FGF12: variants seen among roughly 807,000 people sequenced by gnomAD.
The protein encoded by FGF12 is fibroblast growth factor 12B.
In FGF12, 14 loss-of-function variants were observed where a neutral mutation model predicts 23.6. The observed-to-expected ratio is 0.59, with a 90% CI of 0.39 to 0.93. FGF12 has a LOEUF of 0.93. Ranked by LOEUF, FGF12 falls within the 40% of genes least tolerant of loss-of-function variation. The pLI is 0.00. For missense variants in FGF12, 175 were observed against 217.8 expected (o/e 0.80, Z 1.24); for synonymous variants, 62 against 77.3 (o/e 0.80, Z 1.04).
At position 192,323,871 on chromosome 3, in the gene FGF12, G is replaced by A. The variant is rs182480188; in HGVS notation, c.228+11490C>T. Reference sequence around the variant, plus strand: ...TTTGGGAGGCTGAGGCAGGCAGATCGCCTGAGCTCAGGAGATTGAGACCAG... The same window carrying A: ...TTTGGGAGGCTGAGGCAGGCAGATCACCTGAGCTCAGGAGATTGAGACCAG... On this transcript the variant is annotated intron_variant, in intron 4 of 5. Coordinates refer to ENST00000445105, the MANE Select transcript of FGF12 (RefSeq NM_004113.6). Among the ~76,000 whole-genome samples the A allele has an allele frequency of 3.9e-5, 6 of 152,080 alleles. No homozygotes were observed. The East Asian group carries it at 9.7e-4, about 25-fold the overall frequency.
At chr3:192,321,345 C>A (rs923861767) in intron 4 of FGF12, among the ~76,000 whole-genome samples, 1 of 151,954 alleles carries the variant, frequency 6.6e-6, no homozygotes, top group Non-Finnish European at 1.5e-5. Context: ...AGTTCCAGGA[C>A]TTAGTGGATT....
At position 192,502,566 on chromosome 3, in the gene FGF12, A is replaced by G. The variant is rs1389668564; in HGVS notation, c.14-142028T>C. On this transcript the variant is annotated intron_variant, in intron 2 of 5. Transcript: ENST00000445105. The stretch of plus-strand genomic sequence containing the variant: ...AACACATAGAAATGTACAGATAACT[A>G]CTGTGATTACTTTTTCTGGACCAGG... Among the ~76,000 whole-genome samples, 9 of 152,232 alleles carry G rather than the reference A, an allele frequency of 5.9e-5. No individual in the cohort carries two copies. In the East Asian group the frequency reaches 1.7e-3, roughly 29 times the overall value.
At chr3:192,475,708 A>T (rs1470452154) in intron 2 of FGF12, among the ~76,000 whole-genome samples, 1 of 152,220 alleles carries the variant, frequency 6.6e-6, no homozygotes. Context: ...TTTTTAAATG[A>T]CAAAGAAATG....
At chr3:192,499,459 G>T (rs999943841) in intron 2 of FGF12, among the ~76,000 whole-genome samples, 1 of 127,862 alleles carries the variant, frequency 7.8e-6, no homozygotes, top group Non-Finnish European at 1.6e-5. Context: ...CAACTAAAAG[G>T]GTGCATTCAA....
At position 192,376,523 on chromosome 3, in the gene FGF12, C is replaced by T. The variant is rs71312493; in HGVS notation, c.14-15985G>A. 2.2e-3 allele frequency among the ~76,000 whole-genome samples: 330 copies of T among 151,856 alleles called. 1 individual carries two copies. Among genetic ancestry groups the T allele is most frequent in the South Asian group, 4.8e-3 (23 of 4,806 alleles). On this transcript the variant is annotated intron_variant, in intron 2 of 5. Transcript: ENST00000445105. ...GATTACAGGCATGTGTCACCACGCC[C>T]GGCTAATTTTGTATTTTTAGTAGAG...
intron 4 of FGF12, among the ~76,000 whole-genome samples, chr3:192,200,336 A>C (rs1717301882): frequency 6.6e-6 from 1 of 152,110 alleles, no homozygotes; most frequent in African/African-American, 2.4e-5. Flanking sequence ...CTTAAAAAAA[A>C]AAGGCAATAG....
chr3:192,595,266 C>G (rs970697970), intron 2 of FGF12, among the ~76,000 whole-genome samples: 13 of 152,168 alleles, frequency 8.5e-5, no homozygotes, highest in African/African-American at 2.9e-4. Context: ...TGCTTTCTTT[C>G]AGCTTTTGGA....
chr3:192,606,069 C>T (rs1049204350), intron 2 of FGF12, among the ~76,000 whole-genome samples: 13 of 152,164 alleles, frequency 8.5e-5, no homozygotes, highest in African/African-American at 2.9e-4. Flanking sequence ...CCCATGCACT[C>T]ATATATGTTC....
At chr3:192,571,683 A>T (rs984406754) in intron 2 of FGF12, among the ~76,000 whole-genome samples, 17 of 152,224 alleles carry the variant, frequency 1.1e-4, no homozygotes, top group Non-Finnish European at 7.3e-5. Flanking sequence ...CAGGGCAGCA[A>T]TTTAGCTTTT....
chr3:192,564,043 T>TTG lies in FGF12; in HGVS notation c.13+163137_13+163138insCA, dbSNP rs1553830913. Among the ~76,000 whole-genome samples, 164 of 151,908 alleles carry TTG rather than the reference T, an allele frequency of 1.1e-3. 1 individual carries two copies. Among genetic ancestry groups the TTG allele is most frequent in the African/African-American group, 3.8e-3 (156 of 41,454 alleles). ...AGACTATGTGTAGTTTTTTGTTTTT[T>TTG]TTTGTTTGTTTTTTGTTTTTGTTTG... On this transcript the variant is annotated intron_variant, in intron 2 of 5. Coordinates refer to ENST00000445105, the MANE Select transcript of FGF12 (RefSeq NM_004113.6).
At position 192,514,597 on chromosome 3, in the gene FGF12, A is replaced by C; in HGVS notation, c.14-154059T>G. 2.8e-6 allele frequency: 2 copies of C among 714,764 alleles called. No individual in the cohort carries two copies. The highest frequency in any genetic ancestry group is 3.4e-6 in the Non-Finnish European group (2 of 582,624). The allele number at this position is 714,764 out of a possible 1,614,324, so 44.3% of individuals were successfully genotyped here. ...TGAATGAAGCAGAGGAGGGCGGCGGAGAGGGCCCCGGAAGAAGGGAAGGGG... is the reference window on the plus strand; with the variant it reads ...TGAATGAAGCAGAGGAGGGCGGCGGCGAGGGCCCCGGAAGAAGGGAAGGGG... On this transcript the variant is annotated intron_variant, in intron 2 of 5. Coordinates refer to ENST00000445105, the MANE Select transcript of FGF12 (RefSeq NM_004113.6). This position sits in a 1 kb window ranked among gnomAD's most constrained non-coding sequence, Gnocchi z 4.9.
At chr3:192,634,438 A>T (rs1577090294) in intron 2 of FGF12, among the ~76,000 whole-genome samples, 1 of 152,242 alleles carries the variant, frequency 6.6e-6, no homozygotes, top group East Asian at 1.9e-4. Flanking sequence ...TTATACAGGG[A>T]GGATGTGCAT....
intron 2 of FGF12, among the ~76,000 whole-genome samples, chr3:192,464,344 A>ATCCG (rs902601165): frequency 5.9e-5 from 9 of 151,378 alleles, no homozygotes; most frequent in Middle Eastern, 6.8e-3. Context: ...ATGCCTTTAC[A>ATCCG]TCCGCATAGC....
chr3:192,721,578 T>C (rs1265835017), intron 2 of FGF12, among the ~76,000 whole-genome samples: 1 of 152,086 alleles, frequency 6.6e-6, no homozygotes, highest in East Asian at 1.9e-4. Context: ...CCATTATTGG[T>C]CAATCAGTAG....
chr3:192,442,857 G>C (rs1722241604), intron 2 of FGF12, among the ~76,000 whole-genome samples: 1 of 150,922 alleles, frequency 6.6e-6, no homozygotes. Flanking sequence ...ACCCAGGATG[G>C]AGTGCAGTGG....
intron 2 of FGF12, among the ~76,000 whole-genome samples, chr3:192,636,764 G>A (rs1715599204): frequency 6.6e-6 from 1 of 152,180 alleles, no homozygotes; most frequent in Non-Finnish European, 1.5e-5. Context: ...AGGCACTCAG[G>A]AGAGCAACAG....
intron 4 of FGF12, among the ~76,000 whole-genome samples, chr3:192,229,107 C>T (rs1718886617): frequency 6.6e-6 from 1 of 151,514 alleles, no homozygotes; most frequent in South Asian, 2.1e-4. Context: ...CCTAAGTTGT[C>T]TAACTTCTGG....
At chr3:192,191,298 G>C (rs531514706) in intron 4 of FGF12, among the ~76,000 whole-genome samples, 1 of 152,238 alleles carries the variant, frequency 6.6e-6, no homozygotes, top group Admixed American at 6.5e-5. Context: ...TATAATGGCT[G>C]ATACATGTCA....
chr3:192,659,124 A>G (rs1716557226), intron 2 of FGF12, among the ~76,000 whole-genome samples: 1 of 152,178 alleles, frequency 6.6e-6, no homozygotes, highest in South Asian at 2.1e-4. Flanking sequence ...TGAGCTCAAC[A>G]ATGGACATCA....
Sources: allele counts gnomAD v4.1 joint callset (sites outside exome capture counted in the v4.1 genomes callset), GRCh38; gene constraint gnomAD v4.1.1; non-coding constraint Gnocchi (gnomAD v3.1); transcripts MANE v1.5; gene names NCBI Gene and HGNC (gene_info 2026-07-23, HGNC 2026-07-21).